Variants in CACNA1C observed in about 807,000 individuals in gnomAD.
CACNA1C encodes the protein calcium voltage-gated channel subunit alpha1 C, also known as voltage-dependent L-type calcium channel subunit alpha-1C.
In CACNA1C, 30 loss-of-function variants were observed where a neutral mutation model predicts 229.0. The observed-to-expected ratio is 0.13, with a 90% CI of 0.10 to 0.18. The LOEUF is 0.18. Ranked by LOEUF, CACNA1C falls within the 10% of genes least tolerant of loss-of-function variation. The pLI is 1.00. For synonymous variants in CACNA1C, 1,114 were observed against 1,132.5 expected (o/e 0.98, Z 0.33); for missense variants, 1,658 against 2,845.0 (o/e 0.58, Z 9.49).
At chr12:2,529,482 A>G (rs759309590) in intron 9 of CACNA1C, among the ~76,000 whole-genome samples, 2 of 152,316 alleles carry the variant, frequency 1.3e-5, no homozygotes, top group East Asian at 1.9e-4. Context: ...TAGGCAATCA[A>G]TGAATATTGG....
intron 20 of CACNA1C, among the ~76,000 whole-genome samples, chr12:2,596,886 G>A (rs1176391748): frequency 6.6e-6 from 1 of 152,150 alleles, no homozygotes; most frequent in Admixed American, 6.5e-5. Context: ...TATCTTAGTG[G>A]TCTGATTTGG....
At chr12:2,341,186 G>C (rs2154521650) in intron 3 of CACNA1C, among the ~76,000 whole-genome samples, 1 of 152,252 alleles carries the variant, frequency 6.6e-6, no homozygotes, top group Admixed American at 6.5e-5. Flanking sequence ...CTGGGGCACT[G>C]GTCACACAGA....
chr12:2,238,759 C>G lies in CACNA1C; in HGVS notation c.477+118329C>G, dbSNP rs529921476. ...TGAGAAGCAGAGGATGAGGGCTGAA[C>G]TTGCAGGAAGCCGAGAGGAGGAAGT... On this transcript the variant is annotated intron_variant, in intron 3 of 46. Coordinates refer to ENST00000399655, the MANE Select transcript of CACNA1C (RefSeq NM_000719.7). 2.0e-5 allele frequency among the ~76,000 whole-genome samples: 3 copies of G among 152,290 alleles called. No homozygotes were observed. The East Asian group carries it at 5.8e-4, about 29-fold the overall frequency.
At chr12:2,201,364 G>A (rs2154319175) in intron 3 of CACNA1C, among the ~76,000 whole-genome samples, 1 of 152,288 alleles carries the variant, frequency 6.6e-6, no homozygotes, top group South Asian at 2.1e-4. Flanking sequence ...GCCCTAAAAC[G>A]CAGTATAATT....
At chr12:2,390,623 C>T (rs1308474724) in intron 3 of CACNA1C, among the ~76,000 whole-genome samples, 4 of 151,960 alleles carry the variant, frequency 2.6e-5, no homozygotes, top group Admixed American at 6.6e-5. Flanking sequence ...TGGAGGGGTT[C>T]GAGAATCAGA....
At chr12:2,217,003 C>G (rs10848640) in intron 3 of CACNA1C, among the ~76,000 whole-genome samples, 22,499 of 152,182 alleles carry the variant, frequency 0.15, 3,193 homozygotes, top group African/African-American at 0.36. Flanking sequence ...CAGATGCAAT[C>G]CAAGTATTCA....
chr12:2,189,077 A>G (rs2097133385), intron 3 of CACNA1C, among the ~76,000 whole-genome samples: 1 of 147,702 alleles, frequency 6.8e-6, no homozygotes, highest in Non-Finnish European at 1.5e-5. Context: ...TGCGCGACAG[A>G]ACGAGACTCC....
At chr12:2,368,149 C>G (rs1255652376) in intron 3 of CACNA1C, among the ~76,000 whole-genome samples, 1 of 147,406 alleles carries the variant, frequency 6.8e-6, no homozygotes, top group Non-Finnish European at 1.5e-5. Context: ...TCTTAAAATA[C>G]TAGGAATAGA....
chr12:2,683,084 G>A (rs2097259377), intron 43 of CACNA1C, among the ~76,000 whole-genome samples: 1 of 152,126 alleles, frequency 6.6e-6, no homozygotes, highest in South Asian at 2.1e-4. Flanking sequence ...TGCTTATAAT[G>A]AAGCTGCCCA....
intron 3 of CACNA1C, among the ~76,000 whole-genome samples, chr12:2,418,874 A>G (rs531554015): frequency 2.1e-4 from 32 of 152,168 alleles, no homozygotes; most frequent in African/African-American, 7.7e-4. Flanking sequence ...TGTAGAGGGG[A>G]TTGGGAGCTG....
intron 1 of CACNA1C, among the ~76,000 whole-genome samples, chr12:2,021,272 C>T (rs11615354): frequency 0.031 from 4,668 of 152,244 alleles, 113 homozygotes; most frequent in Non-Finnish European, 0.047. Context: ...GGGTCACCTA[C>T]ACTATAGGCA....
At chr12:2,614,029 C>T (rs2079167279) in intron 29 of CACNA1C, 1 of 152,242 alleles carries the variant, frequency 6.6e-6, no homozygotes, top group African/African-American at 2.4e-5. Context: ...GCCTCCTGAG[C>T]ACGGGAGACA....
At chr12:2,097,295 GC>G (rs1565655670) in intron 1 of CACNA1C, among the ~76,000 whole-genome samples, 5 of 151,998 alleles carry the variant, frequency 3.3e-5, no homozygotes, top group African/African-American at 1.2e-4. Context: ...ACAGGCGCCT[GC>G]CACCACGCCC....
rs2094452027 is a variant in CACNA1C, at chr12:2,647,198, G to A, written c.3913-1277G>A. On this transcript the variant is annotated intron_variant, in intron 30 of 46. Coordinates refer to ENST00000399655, the MANE Select transcript of CACNA1C (RefSeq NM_000719.7). The surrounding 1 kb of genome is among the most constrained non-coding windows in gnomAD (Gnocchi z 4.2). ...GTACCTTAAAAACAGAAATACAAGA[G>A]CAACCATCTGAAAGTGGAGAGTAAA... is the stretch of plus-strand genomic sequence containing the variant. Among the ~76,000 whole-genome samples, 1 of 152,178 alleles carries A rather than the reference G, an allele frequency of 6.6e-6. No homozygotes were observed. The highest frequency in any genetic ancestry group is 2.4e-5 in the African/African-American group (1 of 41,424).
intron 43 of CACNA1C, among the ~76,000 whole-genome samples, chr12:2,684,436 C>T (rs1166135251): frequency 1.4e-4 from 21 of 152,124 alleles, no homozygotes; most frequent in Non-Finnish European, 2.8e-4. Flanking sequence ...AGAATACAAA[C>T]GAATGCCTGA....
intron 3 of CACNA1C, among the ~76,000 whole-genome samples, chr12:2,229,606 G>A (rs2064109791): frequency 6.6e-6 from 1 of 152,142 alleles, no homozygotes; most frequent in Admixed American, 6.5e-5. Flanking sequence ...TGTGAGTGGA[G>A]GTTTACTTTT....
intron 1 of CACNA1C, among the ~76,000 whole-genome samples, chr12:2,007,877 G>A (rs144807277): frequency 5.9e-4 from 89 of 152,048 alleles, no homozygotes; most frequent in African/African-American, 1.7e-3. Flanking sequence ...ATTCTGTTGC[G>A]ATTTTTCTTG....
At chr12:2,381,354 C>G (rs1428235288) in intron 3 of CACNA1C, among the ~76,000 whole-genome samples, 1 of 152,204 alleles carries the variant, frequency 6.6e-6, no homozygotes, top group Non-Finnish European at 1.5e-5. Flanking sequence ...TTCCTCTTCC[C>G]GATTATGATT....
chr12:2,210,095 A>G (rs1395558793), intron 3 of CACNA1C, among the ~76,000 whole-genome samples: 1 of 152,262 alleles, frequency 6.6e-6, no homozygotes, highest in Non-Finnish European at 1.5e-5. Flanking sequence ...AAAATGGCAG[A>G]TGCAAAGTAA....
Sources: gnomAD v4.1 joint callset for allele counts (sites outside exome capture counted in the v4.1 genomes callset) on GRCh38, gnomAD v4.1.1 for gene constraint, Gnocchi (gnomAD v3.1) non-coding constraint, MANE v1.5 for transcripts, NCBI Gene and HGNC (gene_info 2026-07-23, HGNC 2026-07-21) for gene names.